Variants in ME3 observed in about 807,000 individuals in gnomAD.
ME3 encodes the protein malic enzyme 3, also known as NADP-dependent malic enzyme, mitochondrial.
ME3 carries 48 observed loss-of-function variants against 68.9 expected under a neutral mutation model. That is an observed-to-expected ratio of 0.70 (90% confidence interval 0.55 to 0.89). The LOEUF is 0.89. Among genes scored for constraint, ME3 ranks in the 40% least tolerant of loss-of-function variants. The probability of loss-of-function intolerance (pLI) is 0.00; values close to 1 mark genes in which losing one functional copy is unlikely to be tolerated. For synonymous variants in ME3, 320 were observed against 318.8 expected, an observed-to-expected ratio of 1.00 and a Z score of -0.04; for missense variants, 675 against 797.4, an observed-to-expected ratio of 0.85 and a Z score of 1.85.
chr11:86,467,190 C>G (rs1252349796), intron 7 of ME3, among the ~76,000 whole-genome samples: 1 of 152,190 alleles, frequency 6.6e-6, no homozygotes, highest in African/African-American at 2.4e-5. Context: ...AACTCAAGAT[C>G]TACTTTCTTA....
chr11:86,614,665 C>T (rs1304625898), intron 2 of ME3, among the ~76,000 whole-genome samples: 4 of 152,126 alleles, frequency 2.6e-5, no homozygotes, highest in African/African-American at 7.2e-5. Flanking sequence ...CAACCAGGTG[C>T]CTATGGATTT....
chr11:86,605,709 G>A (rs1260795572), intron 2 of ME3, among the ~76,000 whole-genome samples: 1 of 151,992 alleles, frequency 6.6e-6, no homozygotes, highest in African/African-American at 2.4e-5. Flanking sequence ...TAAAATCTTT[G>A]TAACAACCCT....
At chr11:86,656,895 A>C (rs1011463516) in intron 2 of ME3, among the ~76,000 whole-genome samples, 2 of 152,190 alleles carry the variant, frequency 1.3e-5, no homozygotes, top group African/African-American at 2.4e-5. Context: ...CATTAGAGCA[A>C]TGCAAAGTAA....
At position 86,613,004 on chromosome 11, in the gene ME3, T is replaced by C. The variant is rs574246691; in HGVS notation, c.184-53181A>G. 5.3e-5 allele frequency among the ~76,000 whole-genome samples: 8 copies of C among 152,318 alleles called. No individual in the cohort carries two copies. The South Asian group carries it at 1.7e-3, about 32-fold the overall frequency. ...TTGCCCATGCTTATGTCCTGAATGG[T>C]ATTGTCTAGATTTTCTTCTAGGGTT... On this transcript the variant is annotated intron_variant, in intron 2 of 14. Transcript: ENST00000543262.
Position 86,554,188 on chromosome 11 carries a change from T to C in ME3, c.467+2365A>G, listed in dbSNP as rs1364236045. Among the ~76,000 whole-genome samples, 15 of 152,352 alleles carry C rather than the reference T, an allele frequency of 9.8e-5. No homozygotes were observed. The East Asian group carries it at 2.9e-3, about 29-fold the overall frequency. On this transcript the variant is annotated intron_variant, in intron 4 of 14. Coordinates refer to ENST00000543262, the Ensembl canonical transcript of ME3. ...GTCCTAACCCTTCTACTAGTTCATC[T>C]GGAACCACTGAAGCCACTACAATCT...
At chr11:86,602,929 C>T (rs908789700) in intron 2 of ME3, among the ~76,000 whole-genome samples, 6 of 152,178 alleles carry the variant, frequency 3.9e-5, no homozygotes, top group South Asian at 2.1e-4. Context: ...CCTTTCCTTA[C>T]ACCTTATACA....
At chr11:86,666,570 T>C (rs951947633) in intron 2 of ME3, among the ~76,000 whole-genome samples, 3 of 152,246 alleles carry the variant, frequency 2.0e-5, no homozygotes, top group African/African-American at 4.8e-5. Flanking sequence ...GCTAGGACAG[T>C]ATTCAACAGA....
chr11:86,586,198 G>C (rs1193709192), intron 2 of ME3, among the ~76,000 whole-genome samples: 1 of 152,156 alleles, frequency 6.6e-6, no homozygotes, highest in African/African-American at 2.4e-5. Flanking sequence ...AGGTATAGGG[G>C]CAAACAGTTT....
At chr11:86,447,965 C>T (rs1483342564) in intron 11 of ME3, among the ~76,000 whole-genome samples, 185 bp downstream of exon 11, 1 of 151,936 alleles carries the variant, frequency 6.6e-6, no homozygotes, top group Non-Finnish European at 1.5e-5. Context: ...AAATCTGGTG[C>T]CTTAGTTTTG....
intron 2 of ME3, among the ~76,000 whole-genome samples, chr11:86,569,855 A>G (rs1002987048): frequency 6.6e-6 from 1 of 152,212 alleles, no homozygotes; most frequent in African/African-American, 2.4e-5. Context: ...CCAGGCCTAA[A>G]TATTTCCAAA....
At chr11:86,604,983 A>G (rs1050415944) in intron 2 of ME3, among the ~76,000 whole-genome samples, 1 of 152,070 alleles carries the variant, frequency 6.6e-6, no homozygotes, top group Non-Finnish European at 1.5e-5. Flanking sequence ...GAAATGCACC[A>G]CTCATTAAGC....
intron 4 of ME3, among the ~76,000 whole-genome samples, chr11:86,550,271 T>C (rs1467718751): frequency 6.6e-6 from 1 of 152,184 alleles, no homozygotes; most frequent in Non-Finnish European, 1.5e-5. Flanking sequence ...AACTTGTTTA[T>C]AGAATTTGGG....
chr11:86,664,216 A>G (rs189203194), intron 2 of ME3, among the ~76,000 whole-genome samples: 2 of 152,370 alleles, frequency 1.3e-5, no homozygotes, highest in Non-Finnish European at 2.9e-5. Context: ...GGAAAAGTAC[A>G]TAAAGAGGAA....
chr11:86,639,882 C>T (rs965117601), intron 2 of ME3, among the ~76,000 whole-genome samples: 5 of 152,170 alleles, frequency 3.3e-5, no homozygotes, highest in Admixed American at 6.5e-5. Flanking sequence ...AACTACGTTT[C>T]GCATGAGTGG....
At chr11:86,539,398 A>T (rs893245924) in intron 4 of ME3, among the ~76,000 whole-genome samples, 9 of 151,960 alleles carry the variant, frequency 5.9e-5, no homozygotes, top group African/African-American at 2.2e-4. Flanking sequence ...AAACTAGACA[A>T]CCCATGCCAC....
intron 2 of ME3, among the ~76,000 whole-genome samples, chr11:86,560,135 C>T (rs1461991568): frequency 6.6e-6 from 1 of 151,838 alleles, no homozygotes; most frequent in Non-Finnish European, 1.5e-5. Flanking sequence ...GTGTCCCCAC[C>T]CAAATCTCAT....
chr11:86,649,083 C>T (rs1245979474), intron 2 of ME3, among the ~76,000 whole-genome samples: 1 of 152,118 alleles, frequency 6.6e-6, no homozygotes, highest in Non-Finnish European at 1.5e-5. Context: ...ACTGGCAAAC[C>T]GAATCCAGCA....
chr11:86,448,062 T>C, intron 11 of ME3, 88 bp downstream of exon 11: 1 of 906,244 alleles, frequency 1.1e-6, no homozygotes, highest in Non-Finnish European at 1.8e-6. Flanking sequence ...CATGGGTTAC[T>C]TAGGCTTCCT....
intron 8 of ME3, among the ~76,000 whole-genome samples, chr11:86,461,565 A>G (rs1950225884): frequency 6.6e-6 from 1 of 152,214 alleles, no homozygotes; most frequent in Non-Finnish European, 1.5e-5. Context: ...AGCCAGCTCC[A>G]TGGGGAGCTT....
Sources: allele counts gnomAD v4.1 joint callset (sites outside exome capture counted in the v4.1 genomes callset), GRCh38; gene constraint gnomAD v4.1.1; transcripts MANE v1.5; gene names NCBI Gene and HGNC (gene_info 2026-07-23, HGNC 2026-07-21).